Variants in RMDN2 observed in about 807,000 individuals in gnomAD.
RMDN2 encodes regulator of microtubule dynamics 2.
A neutral mutation model predicts 52.8 loss-of-function variants in RMDN2; 61 were observed. The observed-to-expected ratio is 1.16, with a 90% CI of 0.94 to 1.43. The LOEUF is 1.43. Ranked by LOEUF, RMDN2 falls within the 40% of genes most tolerant of loss-of-function variation. The probability of loss-of-function intolerance (pLI) is 0.00; values close to 1 mark genes in which losing one functional copy is unlikely to be tolerated. For missense variants in RMDN2, 592 were observed against 475.3 expected (o/e 1.25, Z -2.28); for synonymous variants, 180 against 153.1 (o/e 1.18, Z -1.30).
chr2:38,017,427 C>G lies in RMDN2; in HGVS notation c.*188C>G, dbSNP rs1338148990. 12 of 1,259,334 alleles carry G rather than the reference C, an allele frequency of 9.5e-6. No individual in the cohort carries two copies. The highest frequency in any genetic ancestry group is 7.6e-5 in the African/African-American group (5 of 65,702). 78.0% of individuals were successfully genotyped at this position (1,259,334 alleles called of 1,614,324 possible). ...AAATTAATTATGTTATTTGGAGAAT[C>G]TATATACTATAATGTCAATACATAA... On this transcript the variant is annotated 3_prime_UTR_variant, in exon 11 of 11. Coordinates refer to ENST00000354545, the MANE Select transcript of RMDN2 (RefSeq NM_001170791.3).
chr2:38,024,338 A>G (rs777794188), intron 10 of RMDN2, among the ~76,000 whole-genome samples: 24 of 152,192 alleles, frequency 1.6e-4, no homozygotes, highest in Non-Finnish European at 3.2e-4. Flanking sequence ...TATTTCTACC[A>G]TTATAAAAAA....
At chr2:37,926,230 T>C (rs1039759466) in intron 1 of RMDN2, among the ~76,000 whole-genome samples, 1 of 152,248 alleles carries the variant, frequency 6.6e-6, no homozygotes, top group Non-Finnish European at 1.5e-5. Context: ...TGAATATCTG[T>C]GCTAGATTTA....
In RMDN2 at chr2:37,966,383, T is replaced by C. The variant is rs74712226; in HGVS notation, c.453-7657T>C. ...AGTGAGCCGAGATCATGCCACTGCA[T>C]TCCAGCCTGGGCAACAGAGTGAGGC... is the stretch of plus-strand genomic sequence containing the variant. On this transcript the variant is annotated intron_variant, in intron 2 of 10. Transcript: ENST00000354545. Among the ~76,000 whole-genome samples the C allele has an allele frequency of 9.2e-4, 140 of 152,030 alleles. 2 individuals carry two copies. The East Asian group carries it at 0.023, about 25-fold the overall frequency.
At chr2:37,974,939 C>T (rs1470841318) in intron 3 of RMDN2, 15 of 320,878 alleles carry the variant, frequency 4.7e-5, no homozygotes, top group Non-Finnish European at 7.9e-5. Context: ...ATTTTGGTGC[C>T]TATCAAATCT....
chr2:38,065,284 G>A (rs751587091), intron 10 of RMDN2, among the ~76,000 whole-genome samples: 2 of 151,832 alleles, frequency 1.3e-5, no homozygotes, highest in Non-Finnish European at 2.9e-5. Flanking sequence ...AATTTTGCTG[G>A]AACACGCAAA....
At chr2:37,950,589 G>C (rs1454710811) in intron 2 of RMDN2, 1 of 1,613,168 alleles carries the variant, frequency 6.2e-7, no homozygotes, top group African/African-American at 1.3e-5. Flanking sequence ...ATGGGAAAGT[G>C]CTTAAGGTAA....
At chr2:38,026,057 C>T (rs1031383144) in intron 10 of RMDN2, among the ~76,000 whole-genome samples, 1 of 152,018 alleles carries the variant, frequency 6.6e-6, no homozygotes, top group African/African-American at 2.4e-5. Flanking sequence ...GGAATTCACT[C>T]GTGAACCCAT....
At chr2:37,994,866 A>G (rs185773954) in intron 7 of RMDN2, among the ~76,000 whole-genome samples, 56 of 152,308 alleles carry the variant, frequency 3.7e-4, no homozygotes, top group Admixed American at 3.3e-3. Flanking sequence ...GCATAACAAC[A>G]TGCATGACTC....
intron 10 of RMDN2, among the ~76,000 whole-genome samples, chr2:38,032,614 C>T (rs2116234): frequency 0.22 from 32,939 of 152,090 alleles, 4,931 homozygotes; most frequent in East Asian, 0.78. Context: ...CCGAGGCAGG[C>T]GGATCACCTG....
intron 2 of RMDN2, among the ~76,000 whole-genome samples, chr2:37,965,417 G>C (rs1670907898): frequency 6.6e-6 from 1 of 150,736 alleles, no homozygotes; most frequent in Admixed American, 6.6e-5. Context: ...TTGCCATGGG[G>C]ATTATTCATA....
Position 37,929,354 on chromosome 2 carries a change from G to A in RMDN2, c.77G>A (p.Trp26Ter). The change falls in exon 2 of 11, where the codon TGG (tryptophan) becomes TAG (stop). Residue 26 changes from tryptophan to a stop codon, truncating the protein, a stop_gained. Coordinates refer to ENST00000354545, the MANE Select transcript of RMDN2 (RefSeq NM_001170791.3). LOFTEE classifies it high-confidence loss of function. ...GTAGISLLLL[W>*]YHKVRKPGIA... ...GCTGGAATCAGCTTGCTGCTCTTGT[G>A]GTACCACAAGGTCCGTAAACCAGGG... The A allele has an allele frequency of 1.3e-6, 2 of 1,551,890 alleles. No homozygotes were observed. The highest frequency in any genetic ancestry group is 1.7e-6 in the Non-Finnish European group (2 of 1,146,922).
chr2:38,042,247 C>T (rs1286804350), intron 10 of RMDN2, among the ~76,000 whole-genome samples: 1 of 152,066 alleles, frequency 6.6e-6, no homozygotes, highest in Admixed American at 6.6e-5. Flanking sequence ...GCTATTTATA[C>T]TCTTTCTTTA....
intron 10 of RMDN2, among the ~76,000 whole-genome samples, chr2:38,042,443 CCA>C (rs1329820856): frequency 2.2e-4 from 23 of 103,280 alleles, no homozygotes; most frequent in South Asian, 1.8e-3. Context: ...CACACACACA[CCA>C]CACACACACA....
chr2:37,947,728 C>T (rs1274969885), intron 2 of RMDN2, among the ~76,000 whole-genome samples: 1 of 152,156 alleles, frequency 6.6e-6, no homozygotes, highest in Non-Finnish European at 1.5e-5. Context: ...TAAAGATGTG[C>T]ATTTTTCAAT....
intron 2 of RMDN2, among the ~76,000 whole-genome samples, chr2:37,948,712 A>G (rs1572746933): frequency 1.3e-5 from 2 of 152,200 alleles, no homozygotes; most frequent in African/African-American, 4.8e-5. Flanking sequence ...CTGGTATGAG[A>G]TTTCTTTTCT....
chr2:37,950,803 TCTC>T (rs1252216390), intron 2 of RMDN2, among the ~76,000 whole-genome samples: 1 of 152,150 alleles, frequency 6.6e-6, no homozygotes, highest in African/African-American at 2.4e-5. Flanking sequence ...ATAAGTTTAT[TCTC>T]CTTAACTCAT....
Position 37,933,274 on chromosome 2 carries a change from C to A in RMDN2, c.452+3545C>A, listed in dbSNP as rs574929825. Among the ~76,000 whole-genome samples the A allele has an allele frequency of 2.1e-3, 314 of 151,966 alleles. 1 individual carries two copies. The highest frequency in any genetic ancestry group is 7.3e-3 in the African/African-American group (301 of 41,442). On this transcript the variant is annotated intron_variant, in intron 2 of 10. Coordinates refer to ENST00000354545, the MANE Select transcript of RMDN2 (RefSeq NM_001170791.3). ...GGGATGGCGGCCGGGCAGAGACGCTCCTCACTTTCCAGACTGGGCAGCCAG... is the reference window on the plus strand; with the variant it reads ...GGGATGGCGGCCGGGCAGAGACGCTACTCACTTTCCAGACTGGGCAGCCAG...
At chr2:37,924,716 A>G (rs1471988380), upstream of RMDN2, among the ~76,000 whole-genome samples, 1 of 152,256 alleles carries the variant, frequency 6.6e-6, no homozygotes, top group Non-Finnish European at 1.5e-5. Flanking sequence ...TACAAACCAC[A>G]GAAAGCTGGG....
intron 10 of RMDN2, among the ~76,000 whole-genome samples, chr2:38,053,281 T>C (rs1681705067): frequency 6.6e-6 from 1 of 152,142 alleles, no homozygotes; most frequent in East Asian, 1.9e-4. Context: ...TAAGACCAAA[T>C]ATACAACAAG....
Sources: allele counts gnomAD v4.1 joint callset (sites outside exome capture counted in the v4.1 genomes callset), GRCh38; gene constraint gnomAD v4.1.1; transcripts MANE v1.5; gene names NCBI Gene and HGNC (gene_info 2026-07-23, HGNC 2026-07-21).